The following LIPI variants were observed in gnomAD, a reference collection of about 807,000 sequenced individuals.
The protein encoded by LIPI is lipase member I.
A neutral mutation model predicts 50.6 loss-of-function variants in LIPI; 59 were observed. The ratio of observed to expected loss-of-function variants is 1.16; its 90% CI spans 0.94 to 1.45. The LOEUF is 1.45. LIPI is among the 40% of genes most tolerant of loss of function. The probability of loss-of-function intolerance (pLI) is 0.00; values close to 1 mark genes in which losing one functional copy is unlikely to be tolerated. For missense variants in LIPI, 586 were observed against 536.3 expected (o/e 1.09, Z -0.92); for synonymous variants, 203 against 178.2 (o/e 1.14, Z -1.11).
At chr21:14,182,039 A>G (rs2019291001) in intron 3 of LIPI, among the ~76,000 whole-genome samples, 180 bp from the exon 4 acceptor site, 1 of 152,228 alleles carries the variant, frequency 6.6e-6, no homozygotes. Context: ...TCAGTATTTG[A>G]ATAATACTAC....
chr21:14,207,027 C>T (rs2020245659), intron 1 of LIPI: 2 of 792,196 alleles, frequency 2.5e-6, no homozygotes, highest in Non-Finnish European at 4.5e-6. Context: ...AACAATTGAC[C>T]CACTTTATGC....
chr21:14,142,128 T>A (rs2017732919), intron 9 of LIPI, among the ~76,000 whole-genome samples: 1 of 152,050 alleles, frequency 6.6e-6, no homozygotes, highest in South Asian at 2.1e-4. Context: ...ATTCTTATGT[T>A]TAGTGGAGGC....
At chr21:14,155,792 C>T (rs901524759) in intron 7 of LIPI, among the ~76,000 whole-genome samples, 6 of 151,948 alleles carry the variant, frequency 3.9e-5, no homozygotes, top group Admixed American at 2.6e-4. Context: ...ACAAATCTCA[C>T]TAGCAGAATT....
intron 4 of LIPI, among the ~76,000 whole-genome samples, chr21:14,167,908 A>G (rs2018750834): frequency 6.6e-6 from 1 of 152,200 alleles, no homozygotes; most frequent in Non-Finnish European, 1.5e-5. Context: ...CAGATGATCA[A>G]ATTACTCCGA....
chr21:14,171,462 A>G (rs1393182482), intron 4 of LIPI, among the ~76,000 whole-genome samples: 3 of 151,084 alleles, frequency 2.0e-5, no homozygotes, highest in African/African-American at 4.9e-5. Flanking sequence ...CTGACTTCAA[A>G]CTATACTACA....
Position 14,152,648 on chromosome 21 carries a change from T to C in LIPI, c.1043A>G (p.Lys348Arg). 6.4e-7 allele frequency: 1 copy of C among 1,560,590 alleles called. No individual in the cohort carries two copies. The highest frequency in any genetic ancestry group is 1.7e-5 in the Admixed American group (1 of 59,778). Residue 348 changes from lysine to arginine, a missense_variant, in exon 8 of 10, where the codon AAA becomes AGA. Transcript: ENST00000681601. ...TGAAAACGAGCCATCCATCATAGTT[T>C]TATCTGGAACAATTATACTGAGAAC... ...YFVLSIIVPDKTMMDGSFSFK... is the reference protein window; with the variant it reads ...YFVLSIIVPDRTMMDGSFSFK...
chr21:14,172,239 A>G (rs535599240), intron 4 of LIPI, among the ~76,000 whole-genome samples: 234 of 151,268 alleles, frequency 1.5e-3, no homozygotes, highest in African/African-American at 5.5e-3. Flanking sequence ...GAGGATGTGG[A>G]GAAATAGGAA....
chr21:14,192,539 T>G (rs1458748733), intron 1 of LIPI, among the ~76,000 whole-genome samples: 3 of 152,116 alleles, frequency 2.0e-5, no homozygotes, highest in African/African-American at 7.2e-5. Flanking sequence ...ACTAATGTAT[T>G]GTCAAACTCT....
intron 9 of LIPI, among the ~76,000 whole-genome samples, chr21:14,133,803 C>T (rs2017388368): frequency 2.0e-5 from 3 of 152,282 alleles, no homozygotes; most frequent in Middle Eastern, 6.8e-3. Flanking sequence ...AATTACCATA[C>T]AAAAACCAGT....
intron 7 of LIPI, among the ~76,000 whole-genome samples, chr21:14,154,382 A>G (rs1441578866): frequency 6.6e-6 from 1 of 152,038 alleles, no homozygotes; most frequent in South Asian, 2.1e-4. Flanking sequence ...TTCAGGAAAG[A>G]CAAAAAAAGA....
At chr21:14,146,572 C>A (rs1217602329) in intron 8 of LIPI, among the ~76,000 whole-genome samples, 1 of 152,058 alleles carries the variant, frequency 6.6e-6, no homozygotes, top group African/African-American at 2.4e-5. Context: ...CTCTCCAATC[C>A]ACTGTGGTTA....
chr21:14,180,007 C>T (rs774989110), intron 4 of LIPI, among the ~76,000 whole-genome samples: 11 of 152,028 alleles, frequency 7.2e-5, no homozygotes, highest in East Asian at 5.8e-4. Flanking sequence ...CTTTTCCTAG[C>T]GAGGAATATT....
At chr21:14,176,679 T>C (rs1347775773) in intron 4 of LIPI, among the ~76,000 whole-genome samples, 1 of 104,476 alleles carries the variant, frequency 9.6e-6, no homozygotes, top group Admixed American at 8.8e-5. Flanking sequence ...TTGAGAATAT[T>C]GTTTTTTTTT....
intron 9 of LIPI, among the ~76,000 whole-genome samples, chr21:14,115,124 A>G (rs1022194952): frequency 6.6e-6 from 1 of 151,916 alleles, no homozygotes; most frequent in Non-Finnish European, 1.5e-5. Flanking sequence ...CACCCCCCAT[A>G]GTCTAAGTTA....
At position 14,117,393 on chromosome 21, in the gene LIPI, G is replaced by A. The variant is rs578182710; in HGVS notation, c.1296-8313C>T. ...AAGAACGCTGCAGAGTAATACAAGT[G>A]GCTAATCAGTGGCTAGAAAGCAACA... On this transcript the variant is annotated intron_variant, in intron 9 of 9. Coordinates refer to ENST00000681601, the MANE Select transcript of LIPI (RefSeq NM_001302998.2). Among the ~76,000 whole-genome samples the A allele has an allele frequency of 5.2e-4, 79 of 152,270 alleles. 2 individuals carry two copies. The South Asian group carries it at 0.015, about 28-fold the overall frequency.
chr21:14,179,388 A>G (rs2019194701), intron 4 of LIPI, among the ~76,000 whole-genome samples: 1 of 152,202 alleles, frequency 6.6e-6, no homozygotes, highest in South Asian at 2.1e-4. Context: ...GATAGTCATG[A>G]AAAGATCAAT....
At chr21:14,190,352 T>C (rs1246933156) in intron 1 of LIPI, among the ~76,000 whole-genome samples, 2 of 152,246 alleles carry the variant, frequency 1.3e-5, no homozygotes, top group East Asian at 3.9e-4. Context: ...TGGTTTTTTT[T>C]CCAGATGATA....
intron 4 of LIPI, among the ~76,000 whole-genome samples, chr21:14,168,477 A>G (rs1473788859): frequency 6.6e-6 from 1 of 152,206 alleles, no homozygotes; most frequent in Non-Finnish European, 1.5e-5. Flanking sequence ...AGGTCGGGTT[A>G]CCCACAAAGG....
chr21:14,126,346 A>G (rs1361569613), intron 9 of LIPI, among the ~76,000 whole-genome samples: 15 of 152,232 alleles, frequency 9.9e-5, no homozygotes, highest in Admixed American at 9.8e-4. Context: ...GCATATCTAT[A>G]CAATAGAATA....
Sources: allele counts gnomAD v4.1 joint callset (sites outside exome capture counted in the v4.1 genomes callset), GRCh38; gene constraint gnomAD v4.1.1; transcripts MANE v1.5; gene names NCBI Gene and HGNC (gene_info 2026-07-23, HGNC 2026-07-21).